The following IZUMO1 variants were observed in gnomAD, a reference collection of about 807,000 sequenced individuals.
IZUMO1 encodes izumo sperm-egg fusion protein 1.
In IZUMO1, 44 loss-of-function variants were observed where a neutral mutation model predicts 40.7. The ratio of observed to expected loss-of-function variants is 1.08; its 90% CI spans 0.85 to 1.39. IZUMO1 has a LOEUF of 1.39. IZUMO1 is among the 40% of genes most tolerant of loss of function. The pLI, the probability that IZUMO1 is intolerant of heterozygous loss-of-function variation, is 0.00. For synonymous variants in IZUMO1, 149 were observed against 170.9 expected, an observed-to-expected ratio of 0.87 and a Z score of 1.00; for missense variants, 368 against 436.9, an observed-to-expected ratio of 0.84 and a Z score of 1.41.
intron 7 of IZUMO1, 115 bp from the exon 8 acceptor site, chr19:48,742,057 G>T: frequency 6.5e-7 from 1 of 1,526,922 alleles, no homozygotes; most frequent in Non-Finnish European, 8.8e-7. Context: ...GGGTGTCACT[G>T]GTCAGGGCAC....
rs1274297377 is a variant in IZUMO1, at chr19:48,741,644, GC to G, written c.754+144del. ...CCCTGTCCTCGGGGCCAGAGGCCACGCCCCCGGCAGGAAGCCACACCCCGTG... is the reference window on the plus strand; with the variant it reads ...CCCTGTCCTCGGGGCCAGAGGCCACGCCCCGGCAGGAAGCCACACCCCGTG... On this transcript the variant is annotated intron_variant, in intron 8 of 9. Coordinates refer to ENST00000332955, the MANE Select transcript of IZUMO1 (RefSeq NM_182575.3). This position sits in a 1 kb window ranked among gnomAD's most constrained non-coding sequence, Gnocchi z 4.4. The G allele has an allele frequency of 1.3e-5, 16 of 1,269,092 alleles. No homozygotes were observed. The highest frequency in any genetic ancestry group is 2.5e-5 in the East Asian group (1 of 40,546). The allele number at this position is 1,269,092 out of a possible 1,614,324, so 78.6% of individuals were successfully genotyped here.
In IZUMO1 at chr19:48,745,628, C is replaced by A. The variant is rs778951328; in HGVS notation, c.232G>T (p.Val78Phe). The A allele has an allele frequency of 2.5e-6, 4 of 1,614,006 alleles. No homozygotes were observed. The highest frequency in any genetic ancestry group is 3.4e-6 in the Non-Finnish European group (4 of 1,180,020). Residue 78 changes from valine to phenylalanine, a missense_variant, in exon 2 of 10, where the codon GTT becomes TTT. Physicochemically the swap from Val to Phe is conservative, Grantham distance 50. Coordinates refer to ENST00000332955, the MANE Select transcript of IZUMO1 (RefSeq NM_182575.3). ...CCGTGGTCCCCCCTGCCCTCACCAA[C>A]GACCCCCATATAGGCATCCTCATTA... is the stretch of plus-strand genomic sequence containing the variant. ...SLNEDAYMGV[V>F]DEATLQKGSW...
rs761171599 is a variant in IZUMO1 at position 48,741,751 on chromosome 19, C to T, written c.754+38G>A. On this transcript the variant is annotated intron_variant, in intron 8 of 9. Transcript: ENST00000332955. This position sits in a 1 kb window ranked among gnomAD's most constrained non-coding sequence, Gnocchi z 4.4. ...GCCGCGGACCCCAGCTTTCCTGGGC[C>T]CTGAATCCTACACTTCTCTCAGCCC... 6.6e-7 allele frequency: 1 copy of T among 1,523,132 alleles called. No homozygotes were observed. Among genetic ancestry groups the T allele is most frequent in the East Asian group, 2.3e-5 (1 of 43,656 alleles). The allele number at this position is 1,523,132 out of a possible 1,614,324, so 94.4% of individuals were successfully genotyped here. A position where few individuals can be genotyped will look rare whatever the true frequency, so the allele number is the denominator to read the frequency against.
rs370965327 is a variant in IZUMO1 at position 48,743,312 on chromosome 19, A to G, written c.499+133T>C. On this transcript the variant is annotated intron_variant, in intron 6 of 9. Coordinates refer to ENST00000332955, the MANE Select transcript of IZUMO1 (RefSeq NM_182575.3). ...AAGTGCGAGACTATAGGTGTGAACCACTGCACCTGGCCTAAACCCTACCTT... is the reference window on the plus strand; with the variant it reads ...AAGTGCGAGACTATAGGTGTGAACCGCTGCACCTGGCCTAAACCCTACCTT... 3 of 770,382 alleles carry G rather than the reference A, an allele frequency of 3.9e-6. No individual in the cohort carries two copies. The South Asian group carries it at 5.0e-5, about 13-fold the overall frequency. The allele number at this position is 770,382 out of a possible 1,614,324, so 47.7% of individuals were successfully genotyped here. A position where few individuals can be genotyped will look rare whatever the true frequency, so the allele number is the denominator to read the frequency against.
At chr19:48,745,411 C>T (rs953246125) in intron 2 of IZUMO1, 123 bp from the exon 3 acceptor site, 35 of 1,046,058 alleles carry the variant, frequency 3.3e-5, no homozygotes, top group Non-Finnish European at 7.2e-6. Flanking sequence ...ACTCAGCCGC[C>T]CGTTGCCTTC....
Position 48,745,228 on chromosome 19 carries a change from T to C in IZUMO1, c.296A>G (p.Asp99Gly). ...SLLKDLKRITDSDVKGDLFVK... is the reference protein window; with the variant it reads ...SLLKDLKRITGSDVKGDLFVK... ...GATGCATTTACCTTTTACATCACTG[T>C]CTGTGATGCGTTTCAGATCCTTCAG... The change falls in exon 3 of 10, where the codon GAC (aspartate) becomes GGC (glycine). Residue 99 changes from aspartate (D) to glycine (G), a missense_variant. Physicochemically the swap from Asp to Gly is moderately conservative, Grantham distance 94. Coordinates refer to ENST00000332955, the MANE Select transcript of IZUMO1 (RefSeq NM_182575.3). 3 of 1,613,572 alleles carry C rather than the reference T, an allele frequency of 1.9e-6. No individual in the cohort carries two copies. The highest frequency in any genetic ancestry group is 2.5e-6 in the Non-Finnish European group (3 of 1,179,520).
intron 1 of IZUMO1, 92 bp downstream of exon 1, chr19:48,746,343 T>C (rs1376711562): frequency 1.2e-5 from 12 of 1,008,816 alleles, no homozygotes; most frequent in Non-Finnish European, 5.9e-6. Flanking sequence ...AACCTCAAGC[T>C]GAAGATTCAA....
At chr19:48,745,340 G>C (rs1446851880) in intron 2 of IZUMO1, 52 bp from the exon 3 acceptor site, 1 of 1,519,032 alleles carries the variant, frequency 6.6e-7, no homozygotes, top group East Asian at 2.3e-5. Context: ...TCATTGGCGC[G>C]CCTAATCTTA....
intron 1 of IZUMO1, 106 bp from the exon 2 acceptor site, chr19:48,746,038 A>G: frequency 6.9e-7 from 1 of 1,439,032 alleles, no homozygotes; most frequent in Non-Finnish European, 9.1e-7. Flanking sequence ...CTCCAAATAA[A>G]GAGGACCTAT....
At chr19:48,744,239 A>C in intron 4 of IZUMO1, 44 bp from the exon 5 acceptor site, 1 of 1,591,762 alleles carries the variant, frequency 6.3e-7, no homozygotes, top group Non-Finnish European at 8.6e-7. Context: ...GAGATGACAG[A>C]GTCAGATTTC....
rs904733951 is a variant in IZUMO1, at chr19:48,746,870, G to A, written c.-509C>T. On this transcript the variant is annotated 5_prime_UTR_variant, in exon 1 of 10. Transcript: ENST00000332955. ...GAACTCCTGAAACCACCCCCTCCGA[G>A]CTTCTCACGTAGGGGCCCGAATTCC... 3.0e-6 allele frequency: 3 copies of A among 985,332 alleles called. No homozygotes were observed. Among genetic ancestry groups the A allele is most frequent in the Non-Finnish European group, 3.6e-6 (3 of 829,932 alleles). 61.0% of individuals were successfully genotyped at this position (985,332 alleles called of 1,614,324 possible). A position where few individuals can be genotyped will look rare whatever the true frequency, so the allele number is the denominator to read the frequency against.
At position 48,740,868 on chromosome 19, in the gene IZUMO1, C is replaced by G; in HGVS notation, c.*40G>C. The G allele has an allele frequency of 6.2e-7, 1 of 1,613,492 alleles. No individual in the cohort carries two copies. Among genetic ancestry groups the G allele is most frequent in the South Asian group, 1.1e-5 (1 of 90,984 alleles). The stretch of plus-strand genomic sequence containing the variant: ...ACCAAAGGCTAGAATCAGTCCCGTC[C>G]CGGGGAGTGAGTCAGATGCTTAGAC... On this transcript the variant is annotated 3_prime_UTR_variant, in exon 10 of 10. Transcript: ENST00000332955. The surrounding 1 kb of genome is among the most constrained non-coding windows in gnomAD (Gnocchi z 5.5).
In IZUMO1 at chr19:48,742,258, A is replaced by C; in HGVS notation, c.551T>G (p.Leu184Ter). 13 of 1,614,208 alleles carry C rather than the reference A, an allele frequency of 8.1e-6. No individual in the cohort carries two copies. Among genetic ancestry groups the C allele is most frequent in the Non-Finnish European group, 1.0e-5 (12 of 1,180,026 alleles). Residue 184 changes from leucine to a stop codon, truncating the protein, a stop_gained, in exon 7 of 10, where the codon TTA (leucine) becomes TGA (stop). Coordinates refer to ENST00000332955, the MANE Select transcript of IZUMO1 (RefSeq NM_182575.3). LOFTEE classifies it high-confidence loss of function. ...GCCTTCCGAAGCCTGATGCCAGTTT[A>C]ACTCACAGTCCAGGATCATGTCTTC... ...QMEDMILDCE[L>*]NWHQASEGLT...
rs768864582 is a variant in IZUMO1 at position 48,744,188 on chromosome 19, A to G, written c.405T>C (p.Cys135=). The change falls in exon 5 of 10, where the codon TGT becomes TGC. Residue 135 remains cysteine, a synonymous_variant. Transcript: ENST00000332955. ...YVARFQKEAY[C]PNKCGVMLQT... ...ATCCAGACTCACCACATTTGTTGGG[A>G]CAATAAGCTGTGTCAAAAGAGAAAA... The G allele has an allele frequency of 3.7e-6, 6 of 1,613,586 alleles. No homozygotes were observed. In the East Asian group the frequency reaches 1.1e-4, roughly 30 times the overall value.
At position 48,741,053 on chromosome 19, in the gene IZUMO1, T is replaced by C. The variant is rs768733045; in HGVS notation, c.933-25A>G. 2.5e-6 allele frequency: 4 copies of C among 1,613,080 alleles called. No homozygotes were observed. The Admixed American group carries it at 5.0e-5, about 20-fold the overall frequency. On this transcript the variant is annotated intron_variant, in intron 9 of 9. Transcript: ENST00000332955. The surrounding 1 kb of genome is among the most constrained non-coding windows in gnomAD (Gnocchi z 4.4). ...CCTAGGGGTGGGAGTGGGGTGCAGATCATGGAACCGGTTTGGGTACTAATT... is the reference window on the plus strand; with the variant it reads ...CCTAGGGGTGGGAGTGGGGTGCAGACCATGGAACCGGTTTGGGTACTAATT...
rs372872009 is a variant in IZUMO1 at position 48,746,647 on chromosome 19, C to T, written c.-286G>A. ...CCGACCTTGGTTCCCGATTTGTGGC[C>T]TCTAACACTAGGGTTCATTGAGGAG... On this transcript the variant is annotated 5_prime_UTR_variant, in exon 1 of 10. Coordinates refer to ENST00000332955, the MANE Select transcript of IZUMO1 (RefSeq NM_182575.3). 6.1e-6 allele frequency: 6 copies of T among 985,418 alleles called. No homozygotes were observed. The highest frequency in any genetic ancestry group is 5.2e-5 in the African/African-American group (3 of 57,228). The allele number at this position is 985,418 out of a possible 1,614,324, so 61.0% of individuals were successfully genotyped here.
chr19:48,745,103 T>A, intron 3 of IZUMO1, 111 bp downstream of exon 3: 5 of 865,470 alleles, frequency 5.8e-6, no homozygotes, highest in Non-Finnish European at 9.6e-6. Flanking sequence ...GAGCAGGCAT[T>A]GGAATCTAGG....
Position 48,746,879 on chromosome 19 carries a change from G to A in IZUMO1, c.-518C>T, listed in dbSNP as rs892036323. The A allele has an allele frequency of 1.0e-6, 1 of 985,398 alleles. No homozygotes were observed. Among genetic ancestry groups the A allele is most frequent in the Non-Finnish European group, 1.2e-6 (1 of 829,908 alleles). The allele number at this position is 985,398 out of a possible 1,614,324, so 61.0% of individuals were successfully genotyped here. A position where few individuals can be genotyped will look rare whatever the true frequency, so the allele number is the denominator to read the frequency against. ...AAACCACCCCCTCCGAGCTTCTCAC[G>A]TAGGGGCCCGAATTCCTTTATAGAT... On this transcript the variant is annotated 5_prime_UTR_variant, in exon 1 of 10. The change creates a new upstream start codon in the 5' untranslated region. Coordinates refer to ENST00000332955, the MANE Select transcript of IZUMO1 (RefSeq NM_182575.3).
In IZUMO1 at chr19:48,746,852, T is replaced by A; in HGVS notation, c.-491A>T. 3 of 985,454 alleles carry A rather than the reference T, an allele frequency of 3.0e-6. No individual in the cohort carries two copies. Among genetic ancestry groups the A allele is most frequent in the Non-Finnish European group, 3.6e-6 (3 of 829,922 alleles). 61.0% of individuals were successfully genotyped at this position (985,454 alleles called of 1,614,324 possible). The stretch of plus-strand genomic sequence containing the variant: ...CGATCCCCTCTCCACAAGGAACTCC[T>A]GAAACCACCCCCTCCGAGCTTCTCA... On this transcript the variant is annotated 5_prime_UTR_variant, in exon 1 of 10. Coordinates refer to ENST00000332955, the MANE Select transcript of IZUMO1 (RefSeq NM_182575.3).
Sources: allele counts gnomAD v4.1 joint callset, GRCh38; gene constraint gnomAD v4.1.1; non-coding constraint Gnocchi (gnomAD v3.1); transcripts MANE v1.5; gene names NCBI Gene and HGNC (gene_info 2026-07-23, HGNC 2026-07-21).